Variants in CELF2 observed in about 807,000 individuals in gnomAD.
The protein encoded by CELF2 is CUG triplet repeat RNA-binding protein 2.
CELF2 carries 8 observed loss-of-function variants against 62.6 expected under a neutral mutation model. That is an observed-to-expected ratio of 0.13 (90% CI 0.07 to 0.23). The LOEUF (loss-of-function observed/expected upper bound fraction) is 0.23. Ranked by LOEUF, CELF2 falls within the 10% of genes least tolerant of loss-of-function variation. CELF2 has a pLI of 1.00. For synonymous variants in CELF2, 258 were observed against 250.0 expected (o/e 1.03, Z -0.30); for missense variants, 333 against 671.0 (o/e 0.50, Z 5.56).
At chr10:10,565,425 A>G in the CELF2 span, among the ~76,000 whole-genome samples, 1 of 152,260 alleles carries the variant, frequency 6.6e-6, no homozygotes, top group Non-Finnish European at 1.5e-5. Flanking sequence ...CATGCAGAAT[A>G]AAAATGCTTT....
chr10:10,543,926 G>T, the CELF2 span, among the ~76,000 whole-genome samples: 1 of 152,106 alleles, frequency 6.6e-6, no homozygotes, highest in Non-Finnish European at 1.5e-5. Flanking sequence ...AAATGCATGC[G>T]CCCCTAATGA....
the CELF2 span, among the ~76,000 whole-genome samples, chr10:10,657,140 G>T: frequency 6.6e-6 from 1 of 152,030 alleles, no homozygotes; most frequent in Non-Finnish European, 1.5e-5. Flanking sequence ...TTAAGTTAAA[G>T]AAGAAGTCAG....
At chr10:10,742,227 CAT>C in the CELF2 span, among the ~76,000 whole-genome samples, 38,704 of 151,880 alleles carry the variant, frequency 0.25, 5,247 homozygotes, top group South Asian at 0.49. Flanking sequence ...TTTTGTTAAC[CAT>C]GTTTCACATA....
the CELF2 span, among the ~76,000 whole-genome samples, chr10:10,700,561 G>A: frequency 1.8e-4 from 27 of 152,298 alleles, no homozygotes; most frequent in South Asian, 5.4e-3. Flanking sequence ...CTCATCACCA[G>A]AGACTGAGCG....
chr10:10,960,874 A>G (rs1367449220), intron 2 of CELF2, among the ~76,000 whole-genome samples: 3 of 152,234 alleles, frequency 2.0e-5, no homozygotes, highest in African/African-American at 4.8e-5. Flanking sequence ...CAATAGGCAC[A>G]TTTAGAGTCA....
chr10:10,678,175 A>T, the CELF2 span, among the ~76,000 whole-genome samples: 1 of 152,058 alleles, frequency 6.6e-6, no homozygotes, highest in Admixed American at 6.6e-5. Context: ...GGAGATACTT[A>T]TGGATCCACA....
intron 1 of CELF2, among the ~76,000 whole-genome samples, chr10:11,069,472 G>A (rs893826287): frequency 7.6e-5 from 11 of 145,612 alleles, no homozygotes; most frequent in East Asian, 3.3e-4. Flanking sequence ...AAGGAAATAC[G>A]GTATTCATAT....
rs962083984 is a variant in CELF2, at chr10:10,993,807, G to GTGAT, written c.89+73811_89+73814dup. On this transcript the variant is annotated intron_variant, in intron 2 of 13. Coordinates refer to the CELF2 transcript ENST00000636488. This position sits in a 1 kb window ranked among gnomAD's most constrained non-coding sequence, Gnocchi z 5.3. ...AGTCCTAACCCTGGTACCTGGGAAT[G>GTGAT]TGATTGTATTTGGAGATAGAACCTT... is the stretch of plus-strand genomic sequence containing the variant. 3.9e-5 allele frequency among the ~76,000 whole-genome samples: 6 copies of GTGAT among 152,180 alleles called. No individual in the cohort carries two copies. The highest frequency in any genetic ancestry group is 1.4e-4 in the African/African-American group (6 of 41,442).
At chr10:10,652,998 C>T in the CELF2 span, among the ~76,000 whole-genome samples, 1 of 151,994 alleles carries the variant, frequency 6.6e-6, no homozygotes, top group Non-Finnish European at 1.5e-5. Flanking sequence ...CACACATAGG[C>T]TCAAAATAAA....
At chr10:10,713,419 TC>T in the CELF2 span, among the ~76,000 whole-genome samples, 1 of 152,160 alleles carries the variant, frequency 6.6e-6, no homozygotes, top group Admixed American at 6.5e-5. Flanking sequence ...GGGCTGACTA[TC>T]TAGATGTCAT....
the CELF2 span, among the ~76,000 whole-genome samples, chr10:10,781,491 G>A: frequency 1.3e-3 from 205 of 152,274 alleles, 1 homozygote; most frequent in East Asian, 4.4e-3. Flanking sequence ...CGTCTTACAC[G>A]GAGGCAGGCT....
chr10:10,829,420 A>T (rs891642954), intron 1 of CELF2, among the ~76,000 whole-genome samples: 1 of 152,222 alleles, frequency 6.6e-6, no homozygotes, highest in African/African-American at 2.4e-5. Context: ...GATTGGCTAT[A>T]TCACCCCATA....
intron 2 of CELF2, among the ~76,000 whole-genome samples, chr10:10,922,288 C>T (rs1489071489): frequency 6.6e-6 from 1 of 152,154 alleles, no homozygotes; most frequent in Non-Finnish European, 1.5e-5. Flanking sequence ...TGTGCTTTCA[C>T]TCTGGAAAAA....
At chr10:10,812,483 G>C (rs1048530057) in intron 1 of CELF2, among the ~76,000 whole-genome samples, 1 of 152,170 alleles carries the variant, frequency 6.6e-6, no homozygotes, top group Non-Finnish European at 1.5e-5. Context: ...GCACCTGAGA[G>C]ATCAATTTCT....
intron 1 of CELF2, among the ~76,000 whole-genome samples, chr10:10,913,514 C>T (rs1231743060): frequency 7.0e-6 from 1 of 142,344 alleles, no homozygotes; most frequent in Non-Finnish European, 1.5e-5. Context: ...CCTCAGCCTC[C>T]CAAGTGGCTG....
At chr10:10,844,471 A>G (rs557094048) in intron 1 of CELF2, among the ~76,000 whole-genome samples, 265 of 152,244 alleles carry the variant, frequency 1.7e-3, no homozygotes, top group Middle Eastern at 0.01. Context: ...ACATGAACAT[A>G]GATAGTACAG....
intron 1 of CELF2, among the ~76,000 whole-genome samples, chr10:10,859,283 A>AC (rs2059925296): frequency 6.6e-6 from 1 of 152,162 alleles, no homozygotes; most frequent in African/African-American, 2.4e-5. Context: ...AAGATAGTTA[A>AC]TTTTTATTAT....
chr10:11,032,588 T>C (rs549084512), intron 1 of CELF2, among the ~76,000 whole-genome samples: 32 of 152,336 alleles, frequency 2.1e-4, no homozygotes, highest in African/African-American at 3.4e-4. Context: ...ATGGCATCGT[T>C]GTTTTGTTTT....
At chr10:11,187,046 A>G (rs780640091) in intron 2 of CELF2, among the ~76,000 whole-genome samples, 3 of 152,220 alleles carry the variant, frequency 2.0e-5, no homozygotes, top group Non-Finnish European at 4.4e-5. Context: ...AGTGTTCTAC[A>G]AAAGTGAGTT....
Sources: gnomAD v4.1 joint callset for allele counts (sites outside exome capture counted in the v4.1 genomes callset) on GRCh38, gnomAD v4.1.1 for gene constraint, Gnocchi (gnomAD v3.1) non-coding constraint, MANE v1.5 for transcripts, NCBI Gene and HGNC (gene_info 2026-07-23, HGNC 2026-07-21) for gene names.